ZNF766: variants seen among roughly 807,000 people sequenced by gnomAD.
ZNF766 encodes the protein zinc finger protein 766.
Under a neutral mutation model 13.2 loss-of-function variants are expected in ZNF766, and 13 were observed. That is an observed-to-expected ratio of 0.98 (90% CI 0.64 to 1.56). The LOEUF (loss-of-function observed/expected upper bound fraction) is 1.56, where lower values mean the gene tolerates loss of function less well. ZNF766 is among the 40% of genes most tolerant of loss of function. ZNF766 has a pLI of 0.00. For missense variants in ZNF766, 521 were observed against 552.2 expected (o/e 0.94, Z 0.57); for synonymous variants, 178 against 187.6 (o/e 0.95, Z 0.42).
In ZNF766 at chr19:52,292,737, T is replaced by G. The variant is rs1034730086; in HGVS notation, c.*1539T>G. On this transcript the variant is annotated 3_prime_UTR_variant, in exon 4 of 4. Transcript: ENST00000439461. ...TTTCCAAAGTGTGAATGATTTACCT[T>G]CTTTCTACCAATATTGTTTTATCTC... 6.6e-6 allele frequency: 1 copy of G among 152,274 alleles called. No homozygotes were observed. The highest frequency in any genetic ancestry group is 2.4e-5 in the African/African-American group (1 of 41,458). 9.4% of individuals were successfully genotyped at this position (152,274 alleles called of 1,614,324 possible).
rs1048399 is a variant in ZNF766 at position 52,292,429 on chromosome 19, G to A, written c.*1231G>A. 0.083 allele frequency: 36,346 copies of A among 440,438 alleles called. 1,866 individuals are homozygous for A. The highest frequency in any genetic ancestry group is 0.12 in the Middle Eastern group (209 of 1,684). The allele number at this position is 440,438 out of a possible 1,614,324, so 27.3% of individuals were successfully genotyped here. A position where few individuals can be genotyped will look rare whatever the true frequency, so the allele number is the denominator to read the frequency against. On this transcript the variant is annotated 3_prime_UTR_variant, in exon 4 of 4. Coordinates refer to ENST00000439461, the MANE Select transcript of ZNF766 (RefSeq NM_001010851.3). ...GCACGCCATGACTTTAGGACACAGG[G>A]ATTTTTATGGGAAGAGAGTTCATCA...
At chr19:52,280,524 C>G (rs534683192) in intron 1 of ZNF766, among the ~76,000 whole-genome samples, 9 of 152,238 alleles carry the variant, frequency 5.9e-5, no homozygotes, top group Admixed American at 6.5e-5. Context: ...CATGGATAAG[C>G]AAGCCTATAG....
At chr19:52,270,461 G>A (rs189727340) in intron 1 of ZNF766, among the ~76,000 whole-genome samples, 1 of 152,150 alleles carries the variant, frequency 6.6e-6, no homozygotes, top group South Asian at 2.1e-4. Flanking sequence ...GGACAGCAAG[G>A]TAGGGAGAGG....
chr19:52,269,774 G>A (rs965154771), intron 1 of ZNF766, 143 bp downstream of exon 1: 9 of 1,156,300 alleles, frequency 7.8e-6, no homozygotes, highest in Non-Finnish European at 9.6e-6. Context: ...CCGTCAGAGT[G>A]TTAAAATCGC....
At position 52,291,761 on chromosome 19, in the gene ZNF766, C is replaced by CAA. The variant is rs201865622; in HGVS notation, c.*577_*578dup. 16 of 136,856 alleles carry CAA rather than the reference C, an allele frequency of 1.2e-4. No homozygotes were observed. The highest frequency in any genetic ancestry group is 2.0e-4 in the East Asian group (1 of 4,912). 8.5% of individuals were successfully genotyped at this position (136,856 alleles called of 1,614,324 possible). A position where few individuals can be genotyped will look rare whatever the true frequency, so the allele number is the denominator to read the frequency against. On this transcript the variant is annotated 3_prime_UTR_variant, in exon 4 of 4. Coordinates refer to ENST00000439461, the MANE Select transcript of ZNF766 (RefSeq NM_001010851.3). The stretch of plus-strand genomic sequence containing the variant: ...TGGGTGACAGAGCGAGACTCCGTCT[C>CAA]AAAAAAAAAAAAAAATTATTTGGGT...
At chr19:52,273,184 A>C (rs1264127891) in intron 1 of ZNF766, among the ~76,000 whole-genome samples, 2 of 152,024 alleles carry the variant, frequency 1.3e-5, no homozygotes, top group African/African-American at 4.8e-5. Context: ...AATTGTTTGC[A>C]TTTTTAGTAG....
chr19:52,278,774 G>T (rs139064067), intron 1 of ZNF766, among the ~76,000 whole-genome samples: 2 of 152,302 alleles, frequency 1.3e-5, no homozygotes, highest in Non-Finnish European at 2.9e-5. Flanking sequence ...CTGGATATTA[G>T]ACCTTTGTTA....
At chr19:52,274,444 C>G (rs891878185) in intron 1 of ZNF766, 4 of 152,412 alleles carry the variant, frequency 2.6e-5, no homozygotes, top group African/African-American at 9.7e-5. Flanking sequence ...CTGGCGGAAA[C>G]AAACCTAGTG....
At chr19:52,287,886 T>C (rs1393881377) in intron 3 of ZNF766, among the ~76,000 whole-genome samples, 2 of 152,220 alleles carry the variant, frequency 1.3e-5, no homozygotes, top group Admixed American at 1.3e-4. Context: ...TTTTCTAGTT[T>C]AGGTAAGGCT....
At chr19:52,273,891 C>T (rs895776154) in intron 1 of ZNF766, among the ~76,000 whole-genome samples, 1 of 152,228 alleles carries the variant, frequency 6.6e-6, no homozygotes, top group Non-Finnish European at 1.5e-5. Flanking sequence ...CTTGTGCCCC[C>T]AGCCTCTTAC....
At chr19:52,290,041 T>G in intron 3 of ZNF766, 25 bp from the exon 4 acceptor site, 1 of 1,566,864 alleles carries the variant, frequency 6.4e-7, no homozygotes, top group Non-Finnish European at 8.6e-7. Context: ...TGGGTTCAAA[T>G]TATACTCTTT....
At chr19:52,271,465 CT>C (rs11345246) in intron 1 of ZNF766, among the ~76,000 whole-genome samples, 1,590 of 152,286 alleles carry the variant, frequency 0.01, 25 homozygotes, top group African/African-American at 0.037. Context: ...GTCTCAGGGC[CT>C]GTGATCTCTA....
intron 1 of ZNF766, among the ~76,000 whole-genome samples, chr19:52,273,481 G>A (rs1981063726): frequency 6.6e-6 from 1 of 152,054 alleles, no homozygotes; most frequent in Non-Finnish European, 1.5e-5. Context: ...TGTCCCCCTC[G>A]TTCCCTCTGC....
At chr19:52,289,886 A>G (rs1600204588) in intron 3 of ZNF766, among the ~76,000 whole-genome samples, 180 bp from the exon 4 acceptor site, 1 of 152,200 alleles carries the variant, frequency 6.6e-6, no homozygotes. Context: ...CTGTAGTCCC[A>G]GCTACTTGGG....
chr19:52,277,412 T>G, intron 1 of ZNF766: 1 of 1,436,976 alleles, frequency 7.0e-7, no homozygotes, highest in South Asian at 1.2e-5. Context: ...TGAGCTGAGA[T>G]CGGGCCACGG....
rs1377174269 is a variant in ZNF766, at chr19:52,292,181, A to AGATGACAG, written c.*985_*992dup. On this transcript the variant is annotated 3_prime_UTR_variant, in exon 4 of 4. Transcript: ENST00000439461. The stretch of plus-strand genomic sequence containing the variant: ...ACTGTGGTCTGGGAAAGAATCAGTA[A>AGATGACAG]GATGACAGGGCTGACTTCATTAGAT... 5.7e-6 allele frequency: 4 copies of AGATGACAG among 702,772 alleles called. No individual in the cohort carries two copies. Among genetic ancestry groups the AGATGACAG allele is most frequent in the Non-Finnish European group, 1.0e-5 (4 of 384,938 alleles). The allele number at this position is 702,772 out of a possible 1,614,324, so 43.5% of individuals were successfully genotyped here.
At chr19:52,277,554 T>G in intron 1 of ZNF766, 1 of 1,561,212 alleles carries the variant, frequency 6.4e-7, no homozygotes, top group Non-Finnish European at 8.6e-7. Flanking sequence ...AAAGTGATAT[T>G]CTCAGTAGAT....
rs1307334642 is a variant in ZNF766, at chr19:52,291,452, T to C, written c.*254T>C. 1 of 388,792 alleles carries C rather than the reference T, an allele frequency of 2.6e-6. No homozygotes were observed. The highest frequency in any genetic ancestry group is 2.1e-5 in the African/African-American group (1 of 48,552). The allele number at this position is 388,792 out of a possible 1,614,324, so 24.1% of individuals were successfully genotyped here. ...AAGGACACGTGGAAATGATCTGTAA[T>C]ATTCGGGTTATTAAAAATGTAATTG... On this transcript the variant is annotated 3_prime_UTR_variant, in exon 4 of 4. Coordinates refer to ENST00000439461, the MANE Select transcript of ZNF766 (RefSeq NM_001010851.3).
At chr19:52,278,450 C>A (rs1188425659) in intron 1 of ZNF766, among the ~76,000 whole-genome samples, 1 of 152,116 alleles carries the variant, frequency 6.6e-6, no homozygotes, top group Non-Finnish European at 1.5e-5. Context: ...GTCGCCCAGG[C>A]TGGAGTGCAA....
Sources: allele counts gnomAD v4.1 joint callset (sites outside exome capture counted in the v4.1 genomes callset), GRCh38; gene constraint gnomAD v4.1.1; transcripts MANE v1.5; gene names NCBI Gene and HGNC (gene_info 2026-07-23, HGNC 2026-07-21).